Variants in STK10 observed in about 807,000 individuals in gnomAD.
The protein encoded by STK10 is serine/threonine-protein kinase 10.
STK10 carries 78 observed loss-of-function variants against 113.8 expected under a neutral mutation model. The ratio of observed to expected loss-of-function variants is 0.69; its 90% CI spans 0.57 to 0.83. The LOEUF is 0.83. Ranked by LOEUF, STK10 falls within the 40% of genes least tolerant of loss-of-function variation. The pLI is 0.00. For synonymous variants in STK10, 465 were observed against 494.7 expected (o/e 0.94, Z 0.80); for missense variants, 1,109 against 1,280.1 (o/e 0.87, Z 2.04).
chr5:172,044,983 C>A lies in STK10; in HGVS notation c.2806G>T (p.Glu936Ter). The part of the protein sequence containing the change: ...EDLNQKKREQ[E>*]MFFKLSEEAE... ...TCCTCGCTCAGCTTGAAGAACATCT[C>A]CTGCTCCCGCTTCTTCTGGTTCAGA... Residue 936 changes from glutamate (E) to a stop codon, truncating the protein, a stop_gained, in exon 19 of 19, where the codon GAG (glutamate) becomes TAG (stop). Transcript: ENST00000176763. LOFTEE classifies it low-confidence loss of function (END_TRUNC). The surrounding 1 kb of genome is among the most constrained non-coding windows in gnomAD (Gnocchi z 4.5). The A allele has an allele frequency of 6.2e-7, 1 of 1,614,212 alleles. No homozygotes were observed. Among genetic ancestry groups the A allele is most frequent in the Non-Finnish European group, 8.5e-7 (1 of 1,180,034 alleles).
Position 172,082,820 on chromosome 5 carries a change from A to T in STK10, c.1809+141T>A, listed in dbSNP as rs1768463358. 2.9e-6 allele frequency: 4 copies of T among 1,357,678 alleles called. No homozygotes were observed. In the Admixed American group the frequency reaches 9.4e-5, roughly 32 times the overall value. 84.1% of individuals were successfully genotyped at this position (1,357,678 alleles called of 1,614,324 possible). On this transcript the variant is annotated intron_variant, in intron 11 of 18. Transcript: ENST00000176763. This position sits in a 1 kb window ranked among gnomAD's most constrained non-coding sequence, Gnocchi z 4.3. ...TTCTGTGTTAACAAGTCACTGCCTA[A>T]CAAGATCGGGAAGCCCCCAGGAATT...
Position 172,096,633 on chromosome 5 carries a change from C to T in STK10, c.871-73G>A. ...TGGGGTGGAAGAGGCTGGGGGAGCT[C>T]ACCCCCGGGGCAGAAAAGGCCAGCC... On this transcript the variant is annotated intron_variant, in intron 7 of 18. Coordinates refer to ENST00000176763, the MANE Select transcript of STK10 (RefSeq NM_005990.4). 3.8e-6 allele frequency: 6 copies of T among 1,583,728 alleles called. 1 individual carries two copies. The highest frequency in any genetic ancestry group is 5.2e-6 in the Non-Finnish European group (6 of 1,164,722).
chr5:172,176,979 G>A (rs1200708294), intron 1 of STK10, among the ~76,000 whole-genome samples: 1 of 152,174 alleles, frequency 6.6e-6, no homozygotes, highest in Admixed American at 6.5e-5. Context: ...TTTGAGACCA[G>A]ACTGGCCAAC....
chr5:172,170,249 TAAG>T (rs1408705850), intron 1 of STK10, among the ~76,000 whole-genome samples: 1 of 151,852 alleles, frequency 6.6e-6, no homozygotes, highest in Non-Finnish European at 1.5e-5. Flanking sequence ...AGGAAAGTGA[TAAG>T]AAGTCGACTT....
Position 172,082,810 on chromosome 5 carries a change from T to C in STK10, c.1809+151A>G. ...CTTCACGGGGTTCTGTGTTAACAAGTCACTGCCTAACAAGATCGGGAAGCC... is the reference window on the plus strand; with the variant it reads ...CTTCACGGGGTTCTGTGTTAACAAGCCACTGCCTAACAAGATCGGGAAGCC... On this transcript the variant is annotated intron_variant, in intron 11 of 18. Transcript: ENST00000176763. The surrounding 1 kb of genome is among the most constrained non-coding windows in gnomAD (Gnocchi z 4.3). 1 of 1,279,280 alleles carries C rather than the reference T, an allele frequency of 7.8e-7. No homozygotes were observed. The highest frequency in any genetic ancestry group is 1.1e-6 in the Non-Finnish European group (1 of 936,410). 79.2% of individuals were successfully genotyped at this position (1,279,280 alleles called of 1,614,324 possible).
chr5:172,064,566 G>T (rs2113706786), intron 13 of STK10, 154 bp downstream of exon 13: 2 of 705,310 alleles, frequency 2.8e-6, no homozygotes, highest in East Asian at 5.3e-5. Flanking sequence ...CATGGAGGAG[G>T]GGATAATGGG....
At position 172,054,632 on chromosome 5, in the gene STK10, C is replaced by G; in HGVS notation, c.2589G>C (p.Glu863Asp). The G allele has an allele frequency of 3.1e-6, 5 of 1,611,070 alleles. No individual in the cohort carries two copies. Among genetic ancestry groups the G allele is most frequent in the Non-Finnish European group, 4.2e-6 (5 of 1,179,884 alleles). ...GCGCCAGCATGTCCCGCATCTGGTT[C>G]TCGTGTTTCTGCTGTTGCTGCAGCC... ...SERLQQQQKHENQMRDMLAQC... is the reference protein window; with the variant it reads ...SERLQQQQKHDNQMRDMLAQC... Residue 863 changes from glutamate (E) to aspartate (D), a missense_variant, in exon 17 of 19, where the codon GAG (glutamate) becomes GAC (aspartate). Glu to Asp is a conservative substitution (Grantham distance 45). Transcript: ENST00000176763.
chr5:172,084,888 G>C (rs554076567), intron 10 of STK10, among the ~76,000 whole-genome samples: 1 of 152,178 alleles, frequency 6.6e-6, no homozygotes, highest in African/African-American at 2.4e-5. Context: ...GGAGCATTTT[G>C]GATTTTGGAT....
In STK10 at chr5:172,093,622, G is replaced by A. The variant is rs1434958906; in HGVS notation, c.1344C>T (p.Ser448=). 3.1e-6 allele frequency: 5 copies of A among 1,614,248 alleles called. No individual in the cohort carries two copies. In the South Asian group the frequency reaches 5.5e-5, roughly 18 times the overall value. ...GGGCGCTGCTGTTGGGCCGGCTCTG[G>A]CTGGCCTTTTGAGATCTGTTGGCTG... The part of the protein sequence containing the change: ...SPAANRSQKA[S]QSRPNSSALE... The change falls in exon 9 of 19, where the codon AGC becomes AGT. Residue 448 remains serine (S), a synonymous_variant. Transcript: ENST00000176763. This position sits in a 1 kb window ranked among gnomAD's most constrained non-coding sequence, Gnocchi z 4.1.
chr5:172,136,840 T>TA (rs1409573662), intron 2 of STK10, among the ~76,000 whole-genome samples: 1 of 151,772 alleles, frequency 6.6e-6, no homozygotes, highest in African/African-American at 2.4e-5. Flanking sequence ...TTTTTTTTTT[T>TA]TATACTTTAA....
At chr5:172,128,342 C>CTTT (rs796522947) in intron 2 of STK10, among the ~76,000 whole-genome samples, 4 of 135,774 alleles carry the variant, frequency 2.9e-5, no homozygotes, top group South Asian at 2.3e-4. Flanking sequence ...TTCTTCTTTC[C>CTTT]TTTTTTTTTT....
intron 10 of STK10, among the ~76,000 whole-genome samples, chr5:172,087,256 CTTATTTAT>C (rs59070930): frequency 0.32 from 48,597 of 150,088 alleles, 9,407 homozygotes; most frequent in African/African-American, 0.55. Flanking sequence ...TTGGTTTTGG[CTTATTTAT>C]TTATTTATTT....
At chr5:172,103,643 G>T (rs1023931084) in intron 7 of STK10, among the ~76,000 whole-genome samples, 1 of 151,990 alleles carries the variant, frequency 6.6e-6, no homozygotes, top group Non-Finnish European at 1.5e-5. Flanking sequence ...GAGGCCTTTG[G>T]GCACTCCAGA....
chr5:172,093,007 C>T lies in STK10; in HGVS notation c.1554+405G>A, dbSNP rs144216626. On this transcript the variant is annotated intron_variant, in intron 9 of 18. Coordinates refer to ENST00000176763, the MANE Select transcript of STK10 (RefSeq NM_005990.4). This position sits in a 1 kb window ranked among gnomAD's most constrained non-coding sequence, Gnocchi z 4.1. ...CCCAGGCCTCTAGTGCGGTGGCTATCGTCATTCGCAACACTGCCCACCTCC... is the reference window on the plus strand; with the variant it reads ...CCCAGGCCTCTAGTGCGGTGGCTATTGTCATTCGCAACACTGCCCACCTCC... 1.0e-3 allele frequency: 180 copies of T among 172,956 alleles called. 1 individual carries two copies. Among genetic ancestry groups the T allele is most frequent in the African/African-American group, 4.0e-3 (167 of 42,104 alleles). The allele number at this position is 172,956 out of a possible 1,614,324, so 10.7% of individuals were successfully genotyped here. A position where few individuals can be genotyped will look rare whatever the true frequency, so the allele number is the denominator to read the frequency against.
At chr5:172,142,829 C>G (rs1398826560) in intron 2 of STK10, among the ~76,000 whole-genome samples, 1 of 152,150 alleles carries the variant, frequency 6.6e-6, no homozygotes. Context: ...TCTAAGCACC[C>G]CATCCCTCCT....
In STK10 at chr5:172,083,019, C is replaced by T. The variant is rs1768469460; in HGVS notation, c.1751G>A (p.Ser584Asn). ...KEEHRNQTQL[S>N]NKHELQLEQM... The stretch of plus-strand genomic sequence containing the variant: ...CTCCAGCTGCAGCTCATGCTTGTTA[C>T]TCAGCTGGGTCTGGTTCCGATGCTC... The change falls in exon 11 of 19, where the codon AGT (serine) becomes AAT (asparagine). Residue 584 changes from serine (S) to asparagine (N), a missense_variant. Transcript: ENST00000176763. 6.2e-7 allele frequency: 1 copy of T among 1,614,020 alleles called. No individual in the cohort carries two copies. Among genetic ancestry groups the T allele is most frequent in the Admixed American group, 1.7e-5 (1 of 59,992 alleles).
chr5:172,093,772 A>AG lies in STK10; in HGVS notation c.1193dup (p.Gly399TrpfsTer3), dbSNP rs748279296. On this transcript the variant is annotated frameshift_variant, in exon 9 of 19. Coordinates refer to ENST00000176763, the MANE Select transcript of STK10 (RefSeq NM_005990.4). LOFTEE classifies it high-confidence loss of function. This position sits in a 1 kb window ranked among gnomAD's most constrained non-coding sequence, Gnocchi z 4.1. The stretch of plus-strand genomic sequence containing the variant: ...GCACTGCCAGGCCGTTCTCATTTCC[A>AG]GGGGCCACGACTGGGGGACTGGTGG... The AG allele has an allele frequency of 1.2e-6, 2 of 1,610,760 alleles. No homozygotes were observed. Among genetic ancestry groups the AG allele is most frequent in the Admixed American group, 3.3e-5 (2 of 59,926 alleles).
rs760747347 is a variant in STK10, at chr5:172,093,923, C to T, written c.1043G>A (p.Ser348Asn). 2.0e-6 allele frequency: 3 copies of T among 1,526,134 alleles called. No individual in the cohort carries two copies. The South Asian group carries it at 3.9e-5, about 20-fold the overall frequency. The allele number at this position is 1,526,134 out of a possible 1,614,324, so 94.5% of individuals were successfully genotyped here. ...ENHTQNSSEV[S>N]PPSLNADKPL... ...CTTGTCAGCATTGAGGCTTGGCGGA[C>T]TCACCTCAGAGGAGTTCTGAGTATG... Residue 348 changes from serine (S) to asparagine (N), a missense_variant, in exon 9 of 19, where the codon AGT (serine) becomes AAT (asparagine). Coordinates refer to ENST00000176763, the MANE Select transcript of STK10 (RefSeq NM_005990.4). The surrounding 1 kb of genome is among the most constrained non-coding windows in gnomAD (Gnocchi z 4.1).
chr5:172,076,012 TA>T (rs533081629), intron 12 of STK10, among the ~76,000 whole-genome samples: 1,935 of 152,196 alleles, frequency 0.013, 38 homozygotes, highest in African/African-American at 0.044. Context: ...TTCTTGGATT[TA>T]TTTTTTTCAT....
Sources: allele counts gnomAD v4.1 joint callset (sites outside exome capture counted in the v4.1 genomes callset), GRCh38; gene constraint gnomAD v4.1.1; non-coding constraint Gnocchi (gnomAD v3.1); transcripts MANE v1.5; gene names NCBI Gene and HGNC (gene_info 2026-07-23, HGNC 2026-07-21).